The following CNOT6 variants were observed in gnomAD, a reference collection of about 807,000 sequenced individuals.
CNOT6 encodes the protein carbon catabolite repression 4 protein.
CNOT6 carries 12 observed loss-of-function variants against 61.2 expected under a neutral mutation model. The observed-to-expected ratio is 0.20, with a 90% CI of 0.13 to 0.32. The LOEUF (loss-of-function observed/expected upper bound fraction) is 0.32. CNOT6 is among the 10% of genes least tolerant of loss of function. CNOT6 has a pLI of 1.00. For missense variants in CNOT6, 405 were observed against 663.9 expected, an observed-to-expected ratio of 0.61 and a Z score of 4.28; for synonymous variants, 225 against 240.6, an observed-to-expected ratio of 0.94 and a Z score of 0.60.
intron 4 of CNOT6, among the ~76,000 whole-genome samples, chr5:180,563,238 C>CA (rs762577784): frequency 2.8e-5 from 4 of 141,910 alleles, no homozygotes; most frequent in Non-Finnish European, 6.1e-5. Flanking sequence ...TTTTTTGAGA[C>CA]AGAGTCTCGC....
chr5:180,557,368 C>G (rs1401159257), intron 4 of CNOT6, among the ~76,000 whole-genome samples: 1 of 84,030 alleles, frequency 1.2e-5, no homozygotes, highest in Non-Finnish European at 3.1e-5. Context: ...TAAAGTGATT[C>G]ACTTTCTCTG....
rs1401160119 is a variant in CNOT6 at position 180,577,197 on chromosome 5, T to TGTGTGTGTGTGTG, written c.*2997_*2998insGTGTGTGTGTGTG. On this transcript the variant is annotated 3_prime_UTR_variant, in exon 12 of 12. Transcript: ENST00000261951. ...TGTGTGTGTGTGTGTGTGTGTGTGT[T>TGTGTGTGTGTGTG]TAATATGATTTAGTGACAACCAGGA... is the stretch of plus-strand genomic sequence containing the variant. 2.4e-5 allele frequency: 1 copy of TGTGTGTGTGTGTG among 41,854 alleles called. No homozygotes were observed. The highest frequency in any genetic ancestry group is 6.5e-5 in the African/African-American group (1 of 15,478). 2.6% of individuals were successfully genotyped at this position (41,854 alleles called of 1,614,324 possible).
chr5:180,540,468 G>C (rs1418342470), intron 2 of CNOT6, among the ~76,000 whole-genome samples: 2 of 152,166 alleles, frequency 1.3e-5, no homozygotes, highest in Non-Finnish European at 1.5e-5. Flanking sequence ...GCATTCAGTA[G>C]AGACCGTAAT....
intron 1 of CNOT6, among the ~76,000 whole-genome samples, chr5:180,510,221 C>G (rs1757330161): frequency 8.1e-6 from 1 of 124,212 alleles, no homozygotes; most frequent in Non-Finnish European, 1.6e-5. Context: ...TGGCTATTCA[C>G]AGGTGCAATG....
At chr5:180,568,488 G>C (rs1489852009) in intron 9 of CNOT6, among the ~76,000 whole-genome samples, 1 of 151,596 alleles carries the variant, frequency 6.6e-6, no homozygotes, top group East Asian at 1.9e-4. Context: ...GGAGGCAGAG[G>C]TTGCAGTGAG....
At chr5:180,557,483 C>T (rs1013773469) in intron 4 of CNOT6, among the ~76,000 whole-genome samples, 10 of 152,172 alleles carry the variant, frequency 6.6e-5, no homozygotes, top group Non-Finnish European at 2.9e-5. Context: ...TAAAGATACC[C>T]AACATCTTTG....
At chr5:180,538,686 GTATATATATATA>G (rs59342527) in intron 2 of CNOT6, among the ~76,000 whole-genome samples, 26,747 of 84,998 alleles carry the variant, frequency 0.31, 2,993 homozygotes, top group South Asian at 0.46. Flanking sequence ...TGAGAAAAAG[GTATATATATATA>G]TATATATATA....
chr5:180,541,936 C>G (rs1211823847), intron 2 of CNOT6, among the ~76,000 whole-genome samples: 2 of 151,470 alleles, frequency 1.3e-5, no homozygotes, highest in Non-Finnish European at 2.9e-5. Flanking sequence ...TACACTGCAG[C>G]CTCAAACTCC....
At position 180,574,737 on chromosome 5, in the gene CNOT6, A is replaced by T. The variant is rs72816960; in HGVS notation, c.*537A>T. On this transcript the variant is annotated 3_prime_UTR_variant, in exon 12 of 12. Transcript: ENST00000261951. The stretch of plus-strand genomic sequence containing the variant: ...TGATTGTATTGTAAACTGAGGCTAA[A>T]TTTTTTTTTAAACCTGTTTCATGTG... 2,918 of 154,036 alleles carry T rather than the reference A, an allele frequency of 0.019. 38 individuals are homozygous for T. The highest frequency in any genetic ancestry group is 0.027 in the Non-Finnish European group (1,879 of 69,094). The allele number at this position is 154,036 out of a possible 1,614,324, so 9.5% of individuals were successfully genotyped here.
chr5:180,522,649 G>C (rs1381141930), intron 1 of CNOT6, among the ~76,000 whole-genome samples: 1 of 151,966 alleles, frequency 6.6e-6, no homozygotes, highest in Non-Finnish European at 1.5e-5. Flanking sequence ...TTTGTTGGCT[G>C]CTTGTATGTC....
rs578022252 is a variant in CNOT6, at chr5:180,513,835, C to T, written c.-2-15440C>T. ...CTCCTGCCTCAGCCTCTCCGAGTAG[C>T]TGGGACTACAGGCGCCCGCCACCAC... is the stretch of plus-strand genomic sequence containing the variant. On this transcript the variant is annotated intron_variant, in intron 1 of 11. Transcript: ENST00000261951. Among the ~76,000 whole-genome samples, 12 of 152,082 alleles carry T rather than the reference C, an allele frequency of 7.9e-5. No homozygotes were observed. The East Asian group carries it at 2.3e-3, about 30-fold the overall frequency.
At chr5:180,546,460 C>G (rs964703495) in intron 2 of CNOT6, among the ~76,000 whole-genome samples, 1 of 152,148 alleles carries the variant, frequency 6.6e-6, no homozygotes, top group African/African-American at 2.4e-5. Flanking sequence ...CTTATACTTA[C>G]CACAGTGTGC....
Position 180,550,082 on chromosome 5 carries a change from C to A in CNOT6, c.264C>A (p.Ser88Arg). 1 of 1,614,046 alleles carries A rather than the reference C, an allele frequency of 6.2e-7. No homozygotes were observed. The highest frequency in any genetic ancestry group is 8.5e-7 in the Non-Finnish European group (1 of 1,179,954). The change falls in exon 3 of 12, where the codon AGC becomes AGA. Residue 88 changes from serine to arginine, a missense_variant. This residue lies in a region of CNOT6 where 212 missense variants were observed against 307.1 expected (regional missense o/e 0.69). Transcript: ENST00000261951. ...YLDLSSNKIR[S>R]LPAELGNMVS... Reference sequence around the variant, plus strand: ...ACCTGTCATCTAATAAAATTCGTAGCTTACCCGCAGAACTCGGAAACATGG... The same window carrying A: ...ACCTGTCATCTAATAAAATTCGTAGATTACCCGCAGAACTCGGAAACATGG...
At chr5:180,497,229 A>C (rs1374599447) in intron 1 of CNOT6, among the ~76,000 whole-genome samples, 1 of 149,314 alleles carries the variant, frequency 6.7e-6, no homozygotes, top group Non-Finnish European at 1.5e-5. Context: ...CAGTAGGCTG[A>C]GGTGGGAGAA....
chr5:180,571,362 A>G lies in CNOT6; in HGVS notation c.1391A>G (p.His464Arg). ...GGAACCACCAATGGAAGGATCACTCATGGTTTCAAGTTACAGAGTGCCTAT... is the reference window on the plus strand; with the variant it reads ...GGAACCACCAATGGAAGGATCACTCGTGGTTTCAAGTTACAGAGTGCCTAT... ...KNGTTNGRITHGFKLQSAYES... is the reference protein window; with the variant it reads ...KNGTTNGRITRGFKLQSAYES... The change falls in exon 11 of 12, where the codon CAT becomes CGT. Residue 464 changes from histidine (H) to arginine (R), a missense_variant. Physicochemically the swap from His to Arg is conservative, Grantham distance 29. This residue lies in a region of CNOT6 where 116 missense variants were observed against 184.6 expected (regional missense o/e 0.63). Transcript: ENST00000261951. 1 of 1,614,152 alleles carries G rather than the reference A, an allele frequency of 6.2e-7. No individual in the cohort carries two copies. The highest frequency in any genetic ancestry group is 8.5e-7 in the Non-Finnish European group (1 of 1,179,970).
chr5:180,507,755 G>C (rs1178488917), intron 1 of CNOT6, among the ~76,000 whole-genome samples: 2 of 143,326 alleles, frequency 1.4e-5, no homozygotes, highest in Admixed American at 7.0e-5. Context: ...ATTGGCTCTT[G>C]GTTCCACAGG....
chr5:180,533,797 A>G (rs1048411052), intron 2 of CNOT6, among the ~76,000 whole-genome samples: 4 of 152,070 alleles, frequency 2.6e-5, no homozygotes, highest in African/African-American at 9.7e-5. Flanking sequence ...TATTTTAACA[A>G]TCTGTTTATT....
chr5:180,506,696 T>C (rs952750403), intron 1 of CNOT6, among the ~76,000 whole-genome samples: 1 of 152,240 alleles, frequency 6.6e-6, no homozygotes, highest in African/African-American at 2.4e-5. Context: ...TTCTCTTGGA[T>C]ATTAAAGTCC....
rs1561672239 is a variant in CNOT6 at position 180,577,162 on chromosome 5, A to AGTGTGTGTGT, written c.*2962_*2963insGTGTGTGTGT. ...AAGATAGGCAGAGAACATCTCCAGA[A>AGTGTGTGTGT]ATGTGTGTGTGTGTGTGTGTGTGTG... On this transcript the variant is annotated 3_prime_UTR_variant, in exon 12 of 12. Coordinates refer to ENST00000261951, the MANE Select transcript of CNOT6 (RefSeq NM_001370472.1). The AGTGTGTGTGT allele has an allele frequency of 2.8e-5, 1 of 35,108 alleles. No homozygotes were observed. 2.2% of individuals were successfully genotyped at this position (35,108 alleles called of 1,614,324 possible). A position where few individuals can be genotyped will look rare whatever the true frequency, so the allele number is the denominator to read the frequency against.
Sources: gnomAD v4.1 joint callset for allele counts (sites outside exome capture counted in the v4.1 genomes callset) on GRCh38, gnomAD v4.1.1 for gene constraint, gnomAD v4.1.1 regional missense constraint, MANE v1.5 for transcripts, NCBI Gene and HGNC (gene_info 2026-07-23, HGNC 2026-07-21) for gene names.